MICAL1: variants seen among roughly 807,000 people sequenced by gnomAD.
MICAL1 encodes microtubule associated monooxygenase, calponin and LIM domain containing 1, also known as [F-actin]-monooxygenase MICAL1.
Under a neutral mutation model 131.8 loss-of-function variants are expected in MICAL1, and 95 were observed. The observed-to-expected ratio is 0.72, with a 90% CI of 0.61 to 0.86. The LOEUF (loss-of-function observed/expected upper bound fraction) is 0.86. Ranked by LOEUF, MICAL1 falls within the 40% of genes least tolerant of loss-of-function variation. MICAL1 has a pLI of 0.00. For synonymous variants in MICAL1, 546 were observed against 554.2 expected (o/e 0.99, Z 0.21); for missense variants, 1,292 against 1,380.6 (o/e 0.94, Z 1.02).
At chr6:109,448,937 G>T in intron 11 of MICAL1, 58 bp from the exon 12 acceptor site, 1 of 1,598,382 alleles carries the variant, frequency 6.3e-7, no homozygotes, top group South Asian at 1.1e-5. Flanking sequence ...AGGCATATAG[G>T]GAGCCCAGCT....
At position 109,450,486 on chromosome 6, in the gene MICAL1, C is replaced by G; in HGVS notation, c.1005G>C (p.Arg335=). 1 of 1,613,300 alleles carries G rather than the reference C, an allele frequency of 6.2e-7. No homozygotes were observed. Among genetic ancestry groups the G allele is most frequent in the Non-Finnish European group, 8.5e-7 (1 of 1,179,988 alleles). The change falls in exon 8 of 25, where the codon CGG becomes CGC. Residue 335 remains arginine (R), a synonymous_variant. Coordinates refer to ENST00000358807, the MANE Select transcript of MICAL1 (RefSeq NM_022765.4). The stretch of plus-strand genomic sequence containing the variant: ...CATGGGTGGCAAAGTCAGCAGCTGC[C>G]CGGGTAAAGCGCTGCAGAGCCTCGG... ...VVPEALQRFT[R]AAADFATHGK...
At chr6:109,448,517 G>C (rs1035285338) in intron 12 of MICAL1, 124 bp from the exon 13 acceptor site, 1 of 1,293,258 alleles carries the variant, frequency 7.7e-7, no homozygotes, top group Non-Finnish European at 1.1e-6. Flanking sequence ...TTGAAGGTAG[G>C]TGTGTAGTCT....
exon 1 of MICAL1, chr6:109,465,764 G>A (rs1287787601): frequency 1.2e-6 from 2 of 1,613,194 alleles, no homozygotes; most frequent in East Asian, 2.2e-5. Flanking sequence ...AGTCAATGGT[G>A]TGGAGAGCCT....
rs376947236 is a variant in MICAL1, at chr6:109,453,928, C to T, written c.258+11G>A. The T allele has an allele frequency of 2.3e-5, 37 of 1,611,704 alleles. No individual in the cohort carries two copies. In the African/African-American group the frequency reaches 3.6e-4, roughly 16 times the overall value. ...ATGCTCCACACCCCATCCCAGGCAC[C>T]GTGTATCCACCTTGGTGCTGGTGCA... On this transcript the variant is annotated intron_variant, in intron 2 of 24. Transcript: ENST00000358807.
In MICAL1 at chr6:109,446,700, C is replaced by T. The variant is rs1302348882; in HGVS notation, c.2300G>A (p.Ser767Asn). The T allele has an allele frequency of 6.2e-7, 1 of 1,613,500 alleles. No individual in the cohort carries two copies. Among genetic ancestry groups the T allele is most frequent in the East Asian group, 2.2e-5 (1 of 44,882 alleles). Residue 767 changes from serine (S) to asparagine (N), a missense_variant, in exon 18 of 25, where the codon AGT becomes AAT. Physicochemically the swap from Ser to Asn is conservative, Grantham distance 46 (BLOSUM62 1). Coordinates refer to ENST00000358807, the MANE Select transcript of MICAL1 (RefSeq NM_022765.4). ...ATACACGCCTTCAGTCTTTACCGGA[C>T]TCTCAGGGCCTCTATCGCTGCCTTC... is the stretch of plus-strand genomic sequence containing the variant. ...KAEGSDRGPESPELPTPSENS... is the reference protein window; with the variant it reads ...KAEGSDRGPENPELPTPSENS...
Sources: gnomAD v4.1 joint callset for allele counts on GRCh38, gnomAD v4.1.1 for gene constraint, MANE v1.5 for transcripts, NCBI Gene and HGNC (gene_info 2026-07-23, HGNC 2026-07-21) for gene names.